Variants in FAHD1 observed in about 807,000 individuals in gnomAD.
The protein encoded by FAHD1 is FAH domain containing oxaloacetate decarboxylase 1.
Under a neutral mutation model 12.7 loss-of-function variants are expected in FAHD1, and 14 were observed. The observed-to-expected ratio is 1.10, with a 90% CI of 0.73 to 1.72. The LOEUF (loss-of-function observed/expected upper bound fraction) is 1.72. FAHD1 is among the 40% of genes most tolerant of loss of function. FAHD1 has a pLI of 0.00. For synonymous variants in FAHD1, 153 were observed against 124.9 expected (o/e 1.22, Z -1.50); for missense variants, 351 against 298.9 (o/e 1.17, Z -1.29).
chr16:1,827,357 T>C, exon 1 of FAHD1: 1 of 1,613,060 alleles, frequency 6.2e-7, no homozygotes, highest in Non-Finnish European at 8.5e-7. Context: ...AGCGAGCCCG[T>C]GCTGTTCCTG....
chr16:1,828,151 G>T (rs572387511), exon 1 of FAHD1: 81 of 844,384 alleles, frequency 9.6e-5, no homozygotes, highest in Non-Finnish European at 1.2e-4. Flanking sequence ...CGTGGTGGCG[G>T]GCGCCTGTAG....
chr16:1,837,025 A>G (rs1351191851), intron 1 of FAHD1, among the ~76,000 whole-genome samples: 1 of 152,096 alleles, frequency 6.6e-6, no homozygotes, highest in Non-Finnish European at 1.5e-5. Context: ...TGCAAGTGGC[A>G]ACACTTCTTG....
exon 1 of FAHD1, chr16:1,827,647 A>T: frequency 6.2e-7 from 1 of 1,614,076 alleles, no homozygotes; most frequent in Non-Finnish European, 8.5e-7. Context: ...CAAGGAGAAG[A>T]TCCCTGACCC....
At chr16:1,829,805 A>G (rs953233898), downstream of FAHD1, among the ~76,000 whole-genome samples, 4 of 152,188 alleles carry the variant, frequency 2.6e-5, no homozygotes, top group Admixed American at 6.5e-5. Flanking sequence ...GTCTGTGGAT[A>G]TAATTGTAAT....
downstream of FAHD1, among the ~76,000 whole-genome samples, chr16:1,833,337 C>T (rs1015072556): frequency 2.0e-5 from 3 of 152,066 alleles, no homozygotes; most frequent in African/African-American, 7.2e-5. Flanking sequence ...GTCATGTCAG[C>T]CCTGAGCCAG....
At chr16:1,827,596 A>C (rs754460625) in exon 1 of FAHD1, 20 of 1,613,654 alleles carry the variant, frequency 1.2e-5, no homozygotes, top group Non-Finnish European at 1.7e-5. Flanking sequence ...GACTCTGGCG[A>C]AGAGCTTCAC....
exon 1 of FAHD1, chr16:1,828,412 T>C (rs1223592390): frequency 1.0e-6 from 1 of 1,001,334 alleles, no homozygotes; most frequent in Non-Finnish European, 1.2e-6. Flanking sequence ...AAGTAAAGTA[T>C]TTCTTCGGAA....
intron 2 of FAHD1, among the ~76,000 whole-genome samples, chr16:1,838,456 A>C (rs62038407): frequency 0.18 from 27,075 of 152,150 alleles, 2,569 homozygotes; most frequent in South Asian, 0.27. Context: ...AGCTGGTTTT[A>C]ACAATAAAAA....
At chr16:1,829,030 A>C (rs1010067797), downstream of FAHD1, 6 of 562,382 alleles carry the variant, frequency 1.1e-5, no homozygotes, top group African/African-American at 1.2e-4. Context: ...CTGTGTTAAC[A>C]CAGTTAATCA....
At chr16:1,837,922 T>C in intron 1 of FAHD1, 2 of 1,456,176 alleles carry the variant, frequency 1.4e-6, no homozygotes, top group Non-Finnish European at 9.1e-7. Flanking sequence ...ACAAAGAAAA[T>C]TCATTTTTGA....
chr16:1,827,852 G>A lies in FAHD1; in HGVS notation c.614G>A (p.Gly205Asp), dbSNP rs896488658. The A allele has an allele frequency of 6.2e-6, 10 of 1,614,088 alleles. No individual in the cohort carries two copies. Among genetic ancestry groups the A allele is most frequent in the Non-Finnish European group, 8.5e-6 (10 of 1,180,046 alleles). ...AAAGAAAACGATGAGATCGAGGCTGGCATACACGGGCTGGTCAGTATGACA... is the reference window on the plus strand; with the variant it reads ...AAAGAAAACGATGAGATCGAGGCTGACATACACGGGCTGGTCAGTATGACA... The change falls in exon 1 of 1, where the codon GGC becomes GAC. Residue 205 changes from glycine (G) to aspartate (D), a missense_variant. Transcript: ENST00000427358.
At chr16:1,828,780 TTTAC>T in exon 1 of FAHD1, 2 of 995,922 alleles carry the variant, frequency 2.0e-6, no homozygotes, top group Non-Finnish European at 2.4e-6. Context: ...AATTTAAAAT[TTTAC>T]TTAATAAGTG....
At chr16:1,829,226 C>T (rs1180845355), downstream of FAHD1, among the ~76,000 whole-genome samples, 1 of 152,226 alleles carries the variant, frequency 6.6e-6, no homozygotes, top group Non-Finnish European at 1.5e-5. Context: ...TTCACATCAT[C>T]TGCTGGCCCC....
downstream of FAHD1, among the ~76,000 whole-genome samples, chr16:1,831,888 G>A (rs912079891): frequency 2.6e-5 from 4 of 152,094 alleles, no homozygotes; most frequent in Admixed American, 2.0e-4. Context: ...GTTTCATCCT[G>A]AAACCATCCC....
exon 3 of FAHD1, chr16:1,839,766 T>C (rs1898851540): frequency 4.0e-6 from 1 of 252,578 alleles, no homozygotes; most frequent in African/African-American, 2.3e-5. Context: ...CTTTCTCTCT[T>C]GGAACAGCAG....
At chr16:1,830,873 G>A (rs1023780082), downstream of FAHD1, among the ~76,000 whole-genome samples, 4 of 148,030 alleles carry the variant, frequency 2.7e-5, no homozygotes, top group South Asian at 4.3e-4. Context: ...CTTCCTCCCC[G>A]CCATATATGT....
At chr16:1,830,917 T>TACACACACACACACACACACACACAC (rs1555470124), downstream of FAHD1, among the ~76,000 whole-genome samples, 18 of 114,776 alleles carry the variant, frequency 1.6e-4, no homozygotes, top group East Asian at 3.0e-3. Context: ...TCTCTCTCTA[T>TACACACACACACACACACACACACAC]ACACACACAC....
exon 1 of FAHD1, chr16:1,827,775 GGAA>G (rs1368095442): frequency 1.9e-5 from 31 of 1,613,984 alleles, no homozygotes; most frequent in Non-Finnish European, 2.5e-5. Context: ...TCATAACCTT[GGAA>G]GAAGGAGATA....
chr16:1,838,258 C>A (rs1252506221), intron 2 of FAHD1: 2 of 413,856 alleles, frequency 4.8e-6, no homozygotes, highest in East Asian at 6.9e-5. Context: ...CCTCAGCCTC[C>A]CAAAGTGGTA....
Sources: gnomAD v4.1 joint callset for allele counts (sites outside exome capture counted in the v4.1 genomes callset) on GRCh38, gnomAD v4.1.1 for gene constraint, MANE v1.5 for transcripts, NCBI Gene and HGNC (gene_info 2026-07-23, HGNC 2026-07-21) for gene names.